The following KSR2 variants were observed in gnomAD, a reference collection of about 807,000 sequenced individuals.
The protein encoded by KSR2 is kinase suppressor of ras 2.
A neutral mutation model predicts 107.8 loss-of-function variants in KSR2; 25 were observed. The observed-to-expected ratio is 0.23, with a 90% CI of 0.17 to 0.32. The LOEUF (loss-of-function observed/expected upper bound fraction) is 0.32. Ranked by LOEUF, KSR2 falls within the 10% of genes least tolerant of loss-of-function variation. The pLI is 1.00. For synonymous variants in KSR2, 480 were observed against 507.0 expected (o/e 0.95, Z 0.71); for missense variants, 887 against 1,268.9 (o/e 0.70, Z 4.57).
chr12:117,481,706 C>G (rs1475812518), intron 16 of KSR2, among the ~76,000 whole-genome samples: 1 of 152,190 alleles, frequency 6.6e-6, no homozygotes, highest in Non-Finnish European at 1.5e-5. Flanking sequence ...AGGGAACTTC[C>G]AGGCCTATCT....
intron 3 of KSR2, 102 bp downstream of exon 3, chr12:117,855,326 C>G: frequency 6.7e-7 from 1 of 1,499,728 alleles, no homozygotes; most frequent in Middle Eastern, 1.9e-4. Flanking sequence ...AGGGTTGACT[C>G]TGTCTCGTCC....
intron 3 of KSR2, among the ~76,000 whole-genome samples, chr12:117,824,924 A>G (rs187954751): frequency 3.3e-5 from 5 of 151,882 alleles, no homozygotes; most frequent in African/African-American, 9.7e-5. Context: ...TCATGGCTGT[A>G]ATCCTAGCAC....
At chr12:117,902,303 C>CA (rs1429693994) in intron 1 of KSR2, among the ~76,000 whole-genome samples, 25 of 151,902 alleles carry the variant, frequency 1.6e-4, no homozygotes, top group Admixed American at 1.6e-3. Context: ...TATAAATTTG[C>CA]AAAAATTAGC....
intron 1 of KSR2, among the ~76,000 whole-genome samples, chr12:117,966,646 CAT>C (rs1491552915): frequency 1.4e-4 from 21 of 150,382 alleles, no homozygotes; most frequent in African/African-American, 2.9e-4. Context: ...CACACACACA[CAT>C]GCTGTCTCTC....
At position 117,455,290 on chromosome 12, in the gene KSR2, G is replaced by C. The variant is rs1234210658; in HGVS notation, c.*11909C>G. ...GGAGACTCCAGGGTCCCAAAATCAG[G>C]CTTTGGGGAAAGCAGGGAAAGGCAG... On this transcript the variant is annotated 3_prime_UTR_variant, in exon 20 of 20. Transcript: ENST00000339824. The C allele has an allele frequency of 6.6e-6, 1 of 152,302 alleles. No individual in the cohort carries two copies. Among genetic ancestry groups the C allele is most frequent in the Non-Finnish European group, 1.5e-5 (1 of 68,094 alleles). 9.4% of individuals were successfully genotyped at this position (152,302 alleles called of 1,614,324 possible).
At chr12:117,747,422 G>A (rs763401871) in intron 4 of KSR2, among the ~76,000 whole-genome samples, 122 of 151,318 alleles carry the variant, frequency 8.1e-4, no homozygotes, top group Non-Finnish European at 1.2e-3. Context: ...AACACACACC[G>A]GGGCCTGTTG....
At position 117,463,387 on chromosome 12, in the gene KSR2, T is replaced by G. The variant is rs1032084675; in HGVS notation, c.*3812A>C. The stretch of plus-strand genomic sequence containing the variant: ...TTCCTCCCCTGACAGCCATATCCAA[T>G]CCTCTCTATCAAAGGCTAGCAAAGT... On this transcript the variant is annotated 3_prime_UTR_variant, in exon 20 of 20. Transcript: ENST00000339824. 2 of 152,142 alleles carry G rather than the reference T, an allele frequency of 1.3e-5. No homozygotes were observed. Among genetic ancestry groups the G allele is most frequent in the African/African-American group, 4.8e-5 (2 of 41,426 alleles). The allele number at this position is 152,142 out of a possible 1,614,324, so 9.4% of individuals were successfully genotyped here.
At chr12:117,812,133 C>A (rs1891210650) in intron 3 of KSR2, among the ~76,000 whole-genome samples, 1 of 152,204 alleles carries the variant, frequency 6.6e-6, no homozygotes, top group South Asian at 2.1e-4. Context: ...AGCTCTACAG[C>A]TGCCCTGTCC....
intron 3 of KSR2, among the ~76,000 whole-genome samples, chr12:117,852,797 T>G (rs981941916): frequency 2.0e-4 from 30 of 151,990 alleles, no homozygotes; most frequent in African/African-American, 6.5e-4. Context: ...AAAATATGGG[T>G]TTTTTGTTGT....
intron 1 of KSR2, among the ~76,000 whole-genome samples, chr12:117,938,477 G>C (rs1895909584): frequency 6.6e-6 from 1 of 151,620 alleles, no homozygotes; most frequent in African/African-American, 2.4e-5. Context: ...AACATAGAGA[G>C]ACCTCATTTC....
intron 17 of KSR2, among the ~76,000 whole-genome samples, chr12:117,475,110 C>G (rs1271462638): frequency 1.3e-5 from 2 of 152,136 alleles, no homozygotes; most frequent in Admixed American, 6.5e-5. Context: ...GGACACCCGG[C>G]CCCCATCCTC....
chr12:117,880,894 T>C (rs1894004648), intron 1 of KSR2, among the ~76,000 whole-genome samples: 1 of 151,960 alleles, frequency 6.6e-6, no homozygotes, highest in South Asian at 2.1e-4. Flanking sequence ...GGTCTCGAAC[T>C]CCTGATCTCA....
At chr12:117,486,748 T>C (rs1361420309) in intron 14 of KSR2, among the ~76,000 whole-genome samples, 1 of 152,222 alleles carries the variant, frequency 6.6e-6, no homozygotes, top group African/African-American at 2.4e-5. Flanking sequence ...GCTCTGCTCC[T>C]TACTTACTGT....
At chr12:117,517,789 C>A in intron 14 of KSR2, 1 of 453,740 alleles carries the variant, frequency 2.2e-6, no homozygotes, top group Non-Finnish European at 4.4e-6. Context: ...ATGATGGGGA[C>A]GGAATCTTCA....
At position 117,613,266 on chromosome 12, in the gene KSR2, A is replaced by C. The variant is rs150401120; in HGVS notation, c.1172-30907T>G. Among the ~76,000 whole-genome samples the C allele has an allele frequency of 1.9e-3, 289 of 152,320 alleles. 3 individuals are homozygous for C. Among genetic ancestry groups the C allele is most frequent in the African/African-American group, 6.8e-3 (284 of 41,568 alleles). ...CTATCAAAGCTCTATATGCACATAC[A>C]TTTTGACCTAACAATTCTACTTCTG... is the stretch of plus-strand genomic sequence containing the variant. On this transcript the variant is annotated intron_variant, in intron 5 of 19. Transcript: ENST00000339824.
chr12:117,556,951 G>C (rs1465618831), intron 8 of KSR2, among the ~76,000 whole-genome samples: 1 of 152,176 alleles, frequency 6.6e-6, no homozygotes, highest in Non-Finnish European at 1.5e-5. Context: ...TGGATCACCA[G>C]GTCAGGAGTT....
intron 1 of KSR2, among the ~76,000 whole-genome samples, chr12:117,865,852 T>C (rs1893448006): frequency 6.6e-6 from 1 of 152,204 alleles, no homozygotes; most frequent in South Asian, 2.1e-4. Context: ...TAGGTATCAC[T>C]GATAACTTGA....
At chr12:117,709,923 C>T (rs1268831587) in intron 4 of KSR2, among the ~76,000 whole-genome samples, 5 of 152,112 alleles carry the variant, frequency 3.3e-5, no homozygotes, top group Non-Finnish European at 7.3e-5. Flanking sequence ...AACCACTGGA[C>T]TATGGGAGAG....
intron 5 of KSR2, among the ~76,000 whole-genome samples, chr12:117,591,462 G>A (rs548099084): frequency 6.6e-6 from 1 of 152,188 alleles, no homozygotes; most frequent in East Asian, 1.9e-4. Context: ...TACAATTGGA[G>A]GCAGTGGTGG....
Sources: gnomAD v4.1 joint callset for allele counts (sites outside exome capture counted in the v4.1 genomes callset) on GRCh38, gnomAD v4.1.1 for gene constraint, MANE v1.5 for transcripts, NCBI Gene and HGNC (gene_info 2026-07-23, HGNC 2026-07-21) for gene names.